SCHIP1: variants seen among roughly 807,000 people sequenced by gnomAD.
SCHIP1 encodes the protein schwannomin interacting protein 1.
Under a neutral mutation model 29.7 loss-of-function variants are expected in SCHIP1, and 8 were observed. That is an observed-to-expected ratio of 0.27 (90% CI 0.16 to 0.49). SCHIP1 has a LOEUF of 0.49. Among genes scored for constraint, SCHIP1 ranks in the 20% least tolerant of loss-of-function variants. SCHIP1 has a pLI of 0.99. For synonymous variants in SCHIP1, 76 were observed against 94.9 expected (o/e 0.80, Z 1.16); for missense variants, 193 against 294.6 (o/e 0.66, Z 2.52).
the SCHIP1 span, among the ~76,000 whole-genome samples, chr3:159,520,832 T>A: frequency 1.3e-5 from 2 of 152,242 alleles, no homozygotes; most frequent in Non-Finnish European, 2.9e-5. Context: ...AATTATTACA[T>A]CATACAGAAG....
chr3:159,700,922 G>T, the SCHIP1 span, among the ~76,000 whole-genome samples: 1 of 152,162 alleles, frequency 6.6e-6, no homozygotes, highest in Middle Eastern at 3.2e-3. Context: ...TCATGGCATG[G>T]TGTGATGTGG....
chr3:159,315,197 CTTT>C, the SCHIP1 span, among the ~76,000 whole-genome samples: 19 of 91,044 alleles, frequency 2.1e-4, no homozygotes, highest in African/African-American at 3.6e-4. Context: ...TTTAGGACTT[CTTT>C]TTTTTTTTTT....
At chr3:159,645,486 A>G in the SCHIP1 span, among the ~76,000 whole-genome samples, 2 of 152,204 alleles carry the variant, frequency 1.3e-5, no homozygotes, top group Non-Finnish European at 2.9e-5. Context: ...ATTCCATTTT[A>G]CATGCTAGAA....
chr3:159,632,146 G>A, the SCHIP1 span, among the ~76,000 whole-genome samples: 3 of 152,162 alleles, frequency 2.0e-5, no homozygotes, highest in Non-Finnish European at 4.4e-5. Context: ...CAACCAGCTC[G>A]TTTGAGGACT....
the SCHIP1 span, among the ~76,000 whole-genome samples, chr3:159,792,649 T>G: frequency 6.6e-6 from 1 of 152,252 alleles, no homozygotes; most frequent in Admixed American, 6.5e-5. Context: ...AGGAAATGGC[T>G]ACAGTTCCCT....
At chr3:159,500,131 G>T in the SCHIP1 span, among the ~76,000 whole-genome samples, 1 of 151,692 alleles carries the variant, frequency 6.6e-6, no homozygotes, top group Non-Finnish European at 1.5e-5. Flanking sequence ...ACTAAGTCCA[G>T]TTTTTTGTTT....
the SCHIP1 span, among the ~76,000 whole-genome samples, chr3:159,609,203 G>T: frequency 6.6e-6 from 1 of 152,296 alleles, no homozygotes; most frequent in Admixed American, 6.5e-5. Flanking sequence ...CACAAAGGAA[G>T]AGCTATTCTA....
At chr3:159,718,587 A>C in the SCHIP1 span, among the ~76,000 whole-genome samples, 100 of 152,316 alleles carry the variant, frequency 6.6e-4, 1 homozygote, top group African/African-American at 2.3e-3. Flanking sequence ...ATACACCAAT[A>C]ACAGACAAAC....
the SCHIP1 span, among the ~76,000 whole-genome samples, chr3:159,742,082 C>T: frequency 1.3e-5 from 2 of 152,074 alleles, no homozygotes; most frequent in South Asian, 2.1e-4. Flanking sequence ...AAAAATTAGC[C>T]GGGTGTGGTG....
chr3:159,408,617 G>A, the SCHIP1 span, among the ~76,000 whole-genome samples: 1 of 151,914 alleles, frequency 6.6e-6, no homozygotes, highest in Non-Finnish European at 1.5e-5. Flanking sequence ...CAGACCAATA[G>A]CAAGTAACAA....
chr3:159,811,279 CA>C, the SCHIP1 span, among the ~76,000 whole-genome samples: 1 of 152,182 alleles, frequency 6.6e-6, no homozygotes, highest in Non-Finnish European at 1.5e-5. Flanking sequence ...TCTTGAAGCA[CA>C]AAAGTTTTTA....
the SCHIP1 span, among the ~76,000 whole-genome samples, chr3:159,309,666 T>C: frequency 2.0e-5 from 3 of 152,144 alleles, no homozygotes; most frequent in Admixed American, 2.0e-4. Flanking sequence ...CTTCCTCTTA[T>C]CAGACTAAAA....
the SCHIP1 span, among the ~76,000 whole-genome samples, chr3:159,572,928 C>A: frequency 7.2e-6 from 1 of 138,564 alleles, no homozygotes; most frequent in East Asian, 2.1e-4. Flanking sequence ...AGGATTGCAA[C>A]CTCTGGTTTT....
chr3:159,328,241 AT>A, the SCHIP1 span, among the ~76,000 whole-genome samples: 18 of 151,200 alleles, frequency 1.2e-4, no homozygotes, highest in Non-Finnish European at 2.1e-4. Context: ...ATAGAAGAAT[AT>A]TTTTTTTTAT....
chr3:159,483,097 C>G, the SCHIP1 span, among the ~76,000 whole-genome samples: 1 of 152,120 alleles, frequency 6.6e-6, no homozygotes. Flanking sequence ...GACAGAGCTC[C>G]CACTGTTTTT....
the SCHIP1 span, among the ~76,000 whole-genome samples, chr3:159,710,386 G>A: frequency 6.6e-6 from 1 of 152,156 alleles, no homozygotes; most frequent in Non-Finnish European, 1.5e-5. Context: ...TGGTTGGGGA[G>A]GGGAAGGCAG....
chr3:159,521,861 T>C, the SCHIP1 span, among the ~76,000 whole-genome samples: 1 of 152,304 alleles, frequency 6.6e-6, no homozygotes, highest in East Asian at 1.9e-4. Flanking sequence ...ATAATATAAT[T>C]GCTAGTCTAT....
At chr3:159,547,139 T>C in the SCHIP1 span, among the ~76,000 whole-genome samples, 2 of 152,212 alleles carry the variant, frequency 1.3e-5, no homozygotes, top group African/African-American at 4.8e-5. Flanking sequence ...TGGTATCTCA[T>C]TGTGGTTTTG....
chr3:159,292,513 G>A, the SCHIP1 span, among the ~76,000 whole-genome samples: 7 of 152,058 alleles, frequency 4.6e-5, no homozygotes, highest in African/African-American at 1.7e-4. Context: ...ATGCTTTAAA[G>A]GGGGGCATGA....
Sources: allele counts gnomAD v4.1 joint callset (sites outside exome capture counted in the v4.1 genomes callset), GRCh38; gene constraint gnomAD v4.1.1; transcripts MANE v1.5; gene names NCBI Gene and HGNC (gene_info 2026-07-23, HGNC 2026-07-21).